The following STON2 variants were observed in gnomAD, a reference collection of about 807,000 sequenced individuals.
STON2 encodes the protein stonin-2.
Under a neutral mutation model 65.7 loss-of-function variants are expected in STON2, and 29 were observed. The observed-to-expected ratio is 0.44, with a 90% CI of 0.33 to 0.60. The LOEUF is 0.60. Among genes scored for constraint, STON2 ranks in the 20% least tolerant of loss-of-function variants. The pLI is 0.03. For synonymous variants in STON2, 404 were observed against 414.2 expected (o/e 0.98, Z 0.30); for missense variants, 1,054 against 1,118.1 (o/e 0.94, Z 0.82).
At chr14:81,369,658 A>T (rs1213155738) in intron 4 of STON2, among the ~76,000 whole-genome samples, 1 of 152,152 alleles carries the variant, frequency 6.6e-6, no homozygotes, top group African/African-American at 2.4e-5. Flanking sequence ...CATTTTTCAG[A>T]TGAGGAAATG....
chr14:81,325,278 A>C (rs1322414685), intron 4 of STON2, among the ~76,000 whole-genome samples: 1 of 152,178 alleles, frequency 6.6e-6, no homozygotes, highest in Non-Finnish European at 1.5e-5. Flanking sequence ...AATGTACTAT[A>C]TAGGTTTCTC....
chr14:81,306,167 C>CTATATA (rs1555397650), intron 5 of STON2, among the ~76,000 whole-genome samples: 5 of 132,306 alleles, frequency 3.8e-5, no homozygotes, highest in African/African-American at 1.3e-4. Flanking sequence ...CTCTCTCTCT[C>CTATATA]TATATATATA....
chr14:81,367,641 A>T (rs1290461435), intron 4 of STON2, among the ~76,000 whole-genome samples: 3 of 152,212 alleles, frequency 2.0e-5, no homozygotes, highest in Admixed American at 6.5e-5. Context: ...CTACCCTGAT[A>T]GCACACGTCA....
chr14:81,421,430 A>G (rs1039053402), intron 2 of STON2, among the ~76,000 whole-genome samples: 3 of 152,218 alleles, frequency 2.0e-5, no homozygotes, highest in African/African-American at 7.2e-5. Context: ...GGGAAATAAC[A>G]TGACCCAATT....
At chr14:81,319,842 C>T (rs1896758987) in intron 5 of STON2, among the ~76,000 whole-genome samples, 1 of 152,208 alleles carries the variant, frequency 6.6e-6, no homozygotes, top group East Asian at 1.9e-4. Flanking sequence ...AGAACCCCTC[C>T]ATCCAGTGAC....
intron 3 of STON2, among the ~76,000 whole-genome samples, chr14:81,382,851 A>C (rs1363516929): frequency 2.0e-5 from 3 of 152,256 alleles, no homozygotes; most frequent in African/African-American, 7.2e-5. Context: ...AAGAGAAACT[A>C]GGAAGAGTGC....
At chr14:81,316,339 G>C (rs1896619075) in intron 5 of STON2, among the ~76,000 whole-genome samples, 1 of 152,168 alleles carries the variant, frequency 6.6e-6, no homozygotes, top group African/African-American at 2.4e-5. Context: ...TGCAGTTTAG[G>C]AATGACCTAT....
chr14:81,362,478 A>T (rs56039699), intron 4 of STON2, among the ~76,000 whole-genome samples: 2 of 151,900 alleles, frequency 1.3e-5, no homozygotes, highest in African/African-American at 4.8e-5. Context: ...ACCAGAGCCT[A>T]GGGAGATGCA....
chr14:81,402,409 CAAT>C (rs963910992), upstream of STON2, among the ~76,000 whole-genome samples: 38 of 152,294 alleles, frequency 2.5e-4, no homozygotes, highest in African/African-American at 8.7e-4. Flanking sequence ...CAACCTAAAA[CAAT>C]AACCTCTGCT....
chr14:81,389,858 C>T (rs187581343), intron 3 of STON2, among the ~76,000 whole-genome samples: 1,918 of 152,138 alleles, frequency 0.013, 43 homozygotes, highest in African/African-American at 0.044. Context: ...AAGTAATTCT[C>T]CCAGCATCCA....
chr14:81,359,172 T>C (rs542329215), intron 4 of STON2, among the ~76,000 whole-genome samples: 1 of 152,188 alleles, frequency 6.6e-6, no homozygotes, highest in Non-Finnish European at 1.5e-5. Context: ...TAGAGAAGAC[T>C]GAAATCATAT....
chr14:81,316,691 C>T (rs1250047963), intron 5 of STON2, among the ~76,000 whole-genome samples: 1 of 152,124 alleles, frequency 6.6e-6, no homozygotes, highest in Non-Finnish European at 1.5e-5. Flanking sequence ...TTTTGCATTG[C>T]TACAAAGGAA....
At position 81,291,836 on chromosome 14, in the gene STON2, T is replaced by C. The variant is rs1282267070; in HGVS notation, c.743-13097A>G. ...GAGAAAATGCTTAGTATACTAGGCATGTTTCAAATACTTAGCATGGGTACA... is the reference window on the plus strand; with the variant it reads ...GAGAAAATGCTTAGTATACTAGGCACGTTTCAAATACTTAGCATGGGTACA... On this transcript the variant is annotated intron_variant, in intron 5 of 7. Transcript: ENST00000614646. 2.0e-5 allele frequency among the ~76,000 whole-genome samples: 3 copies of C among 149,720 alleles called. No individual in the cohort carries two copies. In the South Asian group the frequency reaches 6.4e-4, roughly 32 times the overall value.
In STON2 at chr14:81,395,905, G is replaced by A. The variant is rs769062193; in HGVS notation, c.362C>T (p.Thr121Ile). Reference protein sequence around the residue: ...WASTSPPHQETAETALPLTMP... With the variant: ...WASTSPPHQEIAETALPLTMP... ...TCCTACCTCCTCACCTGTCTCAGCT[G>A]TTTCCTGATGAGGTGGAGATGTGCT... The change falls in exon 3 of 8, where the codon ACA becomes ATA. Residue 121 changes from threonine to isoleucine, a missense_variant. Physicochemically the swap from Thr to Ile is moderately conservative, Grantham distance 89. Transcript: ENST00000614646. 102 of 1,614,024 alleles carry A rather than the reference G, an allele frequency of 6.3e-5. No individual in the cohort carries two copies. Among genetic ancestry groups the A allele is most frequent in the Non-Finnish European group, 8.2e-5 (97 of 1,180,012 alleles).
intron 5 of STON2, among the ~76,000 whole-genome samples, chr14:81,286,264 A>G (rs1456028598): frequency 1.3e-5 from 2 of 152,360 alleles, no homozygotes; most frequent in East Asian, 3.9e-4. Context: ...ATTCTGAAAG[A>G]TGTTCTACAG....
chr14:81,368,662 C>G (rs913938982), intron 4 of STON2, among the ~76,000 whole-genome samples: 1 of 152,064 alleles, frequency 6.6e-6, no homozygotes, highest in Non-Finnish European at 1.5e-5. Context: ...TGCAGTGAGC[C>G]GAGATTGCAC....
In STON2 at chr14:81,411,867, G is replaced by GCA. The variant is rs754637724; in HGVS notation, c.-198-13288_-198-13287insTG. On this transcript the variant is annotated intron_variant, in intron 2 of 8. Coordinates refer to the STON2 transcript ENST00000553821. ...CTACAAATAAGCAGAGTTAAGACAA[G>GCA]GAATAACAAGGAATCTTATACATAG... Among the ~76,000 whole-genome samples the GCA allele has an allele frequency of 3.6e-4, 51 of 141,798 alleles. 1 individual carries two copies. Among genetic ancestry groups the GCA allele is most frequent in the African/African-American group, 7.1e-4 (25 of 35,044 alleles). The allele number at this position is 141,798 out of a possible 152,430, so 93.0% of individuals were successfully genotyped here.
chr14:81,420,464 C>T (rs937163167), intron 2 of STON2, among the ~76,000 whole-genome samples: 17 of 152,152 alleles, frequency 1.1e-4, no homozygotes, highest in African/African-American at 4.1e-4. Context: ...TCTCCTATTG[C>T]TAGGGATGTT....
At chr14:81,393,758 G>A (rs935577073) in intron 3 of STON2, among the ~76,000 whole-genome samples, 11 of 152,120 alleles carry the variant, frequency 7.2e-5, no homozygotes, top group Admixed American at 4.6e-4. Flanking sequence ...CCAGTGTTCC[G>A]TAACTTTTCC....
Sources: gnomAD v4.1 joint callset for allele counts (sites outside exome capture counted in the v4.1 genomes callset) on GRCh38, gnomAD v4.1.1 for gene constraint, MANE v1.5 for transcripts, NCBI Gene and HGNC (gene_info 2026-07-23, HGNC 2026-07-21) for gene names.